Variants in TNIP1 observed in about 807,000 individuals in gnomAD.
TNIP1 encodes TNFAIP3 interacting protein 1, also known as TNFAIP3-interacting protein 1.
In TNIP1, 22 loss-of-function variants were observed where a neutral mutation model predicts 86.6. The observed-to-expected ratio is 0.25, with a 90% CI of 0.18 to 0.36. TNIP1 has a LOEUF of 0.36. Among genes scored for constraint, TNIP1 ranks in the 10% least tolerant of loss-of-function variants. The probability of loss-of-function intolerance (pLI) is 1.00; values close to 1 mark genes in which losing one functional copy is unlikely to be tolerated. For missense variants in TNIP1, 709 were observed against 820.6 expected (o/e 0.86, Z 1.66); for synonymous variants, 294 against 313.0 (o/e 0.94, Z 0.64).
chr5:151,047,747 G>A (rs1372170978), intron 8 of TNIP1, among the ~76,000 whole-genome samples: 1 of 152,086 alleles, frequency 6.6e-6, no homozygotes, highest in Non-Finnish European at 1.5e-5. Context: ...CAGCAGACAA[G>A]GCCAGTAGTC....
chr5:151,073,582 T>TTGTGTGTGTGTGTGTGTG (rs377380185), intron 1 of TNIP1, among the ~76,000 whole-genome samples: 2,224 of 150,288 alleles, frequency 0.015, 61 homozygotes, highest in African/African-American at 0.05. Context: ...CAAAAACACA[T>TTGTGTGTGTGTGTGTGTG]TGTGTGTGTG....
At chr5:151,060,430 A>G (rs762297068) in intron 4 of TNIP1, 35 bp from the exon 5 acceptor site, 1 of 1,605,372 alleles carries the variant, frequency 6.2e-7, no homozygotes. Context: ...TGCCCGAGAG[A>G]AAAACAGCTC....
chr5:151,081,113 C>T (rs1435897407), upstream of TNIP1: 1 of 152,164 alleles, frequency 6.6e-6, no homozygotes, highest in Non-Finnish European at 1.5e-5. Flanking sequence ...TCGCGCCGCG[C>T]GCTCCGGGCG....
At chr5:151,084,728 A>C (rs1390804860), upstream of TNIP1, among the ~76,000 whole-genome samples, 1 of 152,170 alleles carries the variant, frequency 6.6e-6, no homozygotes, top group Non-Finnish European at 1.5e-5. Flanking sequence ...GGAACTCGGG[A>C]GCAGCTAATG....
chr5:151,066,071 G>A (rs1762186522), intron 1 of TNIP1, among the ~76,000 whole-genome samples: 1 of 152,180 alleles, frequency 6.6e-6, no homozygotes, highest in Non-Finnish European at 1.5e-5. Context: ...GGGTGCTGAG[G>A]AATTATCAGC....
intron 17 of TNIP1, chr5:151,032,032 G>C (rs374841598): frequency 2.0e-6 from 1 of 500,870 alleles, no homozygotes; most frequent in South Asian, 2.7e-5. Context: ...GGCAAGGACT[G>C]TATCTGCTTC....
intron 5 of TNIP1, among the ~76,000 whole-genome samples, chr5:151,057,984 T>C (rs1362773178): frequency 1.3e-5 from 2 of 152,180 alleles, no homozygotes; most frequent in African/African-American, 4.8e-5. Context: ...AAGGGACATC[T>C]GCATATACGT....
chr5:151,064,128 G>C (rs957096182), intron 2 of TNIP1, among the ~76,000 whole-genome samples: 4 of 152,224 alleles, frequency 2.6e-5, no homozygotes, highest in Non-Finnish European at 5.9e-5. Context: ...AGGGCAAAGG[G>C]CTGCCTGCAG....
At chr5:151,072,620 A>C (rs1762940162) in intron 1 of TNIP1, among the ~76,000 whole-genome samples, 1 of 152,172 alleles carries the variant, frequency 6.6e-6, no homozygotes, top group Admixed American at 6.5e-5. Context: ...CCCTGAGGAC[A>C]TTTGGAACCT....
chr5:151,052,992 G>A (rs1368672074), intron 6 of TNIP1, among the ~76,000 whole-genome samples: 3 of 152,016 alleles, frequency 2.0e-5, no homozygotes, highest in Non-Finnish European at 4.4e-5. Flanking sequence ...TTGCCAAGGG[G>A]AAAACCAGAA....
At chr5:151,043,109 A>G (rs1758666924) in intron 9 of TNIP1, 148 bp from the exon 10 acceptor site, 2 of 814,778 alleles carry the variant, frequency 2.5e-6, no homozygotes, top group South Asian at 3.1e-5. Context: ...CAGCTCTCGA[A>G]AACTCAATGT....
At chr5:151,075,252 A>C (rs1763248856) in intron 1 of TNIP1, among the ~76,000 whole-genome samples, 1 of 152,204 alleles carries the variant, frequency 6.6e-6, no homozygotes, top group Non-Finnish European at 1.5e-5. Flanking sequence ...TATTTCTTAA[A>C]CCAGATGAGT....
chr5:151,079,484 G>T (rs1450777937), intron 1 of TNIP1, among the ~76,000 whole-genome samples: 1 of 152,050 alleles, frequency 6.6e-6, no homozygotes, highest in Non-Finnish European at 1.5e-5. Flanking sequence ...ATTAGCCGGG[G>T]ATGGTGGCGA....
At chr5:151,052,296 A>G in intron 6 of TNIP1, 37 bp from the exon 7 acceptor site, 2 of 1,583,824 alleles carry the variant, frequency 1.3e-6, no homozygotes, top group Non-Finnish European at 1.7e-6. Flanking sequence ...GAGGGAAAGG[A>G]GGGGCCCCTC....
At chr5:151,038,315 C>G (rs1199512517) in intron 12 of TNIP1, among the ~76,000 whole-genome samples, 1 of 152,220 alleles carries the variant, frequency 6.6e-6, no homozygotes, top group Middle Eastern at 3.2e-3. Context: ...AAAGCTGAGC[C>G]ATGAACTTAA....
intron 2 of TNIP1, among the ~76,000 whole-genome samples, chr5:151,064,568 C>T (rs1003063185): frequency 1.4e-5 from 2 of 144,804 alleles, no homozygotes; most frequent in Non-Finnish European, 3.0e-5. Context: ...AAGCTCTGCT[C>T]CCTGCTCCAA....
At chr5:151,036,094 A>G (rs1346741262) in intron 13 of TNIP1, among the ~76,000 whole-genome samples, 2 of 152,180 alleles carry the variant, frequency 1.3e-5, no homozygotes, top group African/African-American at 4.8e-5. Flanking sequence ...AAACTCCGCT[A>G]GGGCTCCAGG....
intron 6 of TNIP1, among the ~76,000 whole-genome samples, chr5:151,056,497 G>A (rs1760671156): frequency 6.6e-6 from 1 of 152,176 alleles, no homozygotes; most frequent in Non-Finnish European, 1.5e-5. Flanking sequence ...CCCTGCACAT[G>A]AGAAATAAAG....
At chr5:151,045,736 T>C (rs1581778501) in intron 9 of TNIP1, 125 bp downstream of exon 9, 3 of 887,094 alleles carry the variant, frequency 3.4e-6, no homozygotes, top group Admixed American at 3.7e-5. Flanking sequence ...AGGTCAGTGG[T>C]CACCATGCCA....
Sources: gnomAD v4.1 joint callset for allele counts (sites outside exome capture counted in the v4.1 genomes callset) on GRCh38, gnomAD v4.1.1 for gene constraint, MANE v1.5 for transcripts, NCBI Gene and HGNC (gene_info 2026-07-23, HGNC 2026-07-21) for gene names.